Variants in DYNC2H1 observed in about 807,000 individuals in gnomAD.
The protein encoded by DYNC2H1 is cytoplasmic dynein 2 heavy chain 1.
In DYNC2H1, 410 loss-of-function variants were observed where a neutral mutation model predicts 570.0. The ratio of observed to expected loss-of-function variants is 0.72; its 90% CI spans 0.66 to 0.78. The LOEUF (loss-of-function observed/expected upper bound fraction) is 0.78, where lower values mean the gene tolerates loss of function less well. Ranked by LOEUF, DYNC2H1 falls within the 30% of genes least tolerant of loss-of-function variation. The pLI is 0.00. For missense variants in DYNC2H1, 4,865 were observed against 5,046.4 expected (o/e 0.96, Z 1.09); for synonymous variants, 1,688 against 1,677.6 (o/e 1.01, Z -0.15).
Position 103,257,603 on chromosome 11 carries a change from C to T in DYNC2H1, c.10462-5C>T. On this transcript the variant is annotated splice_region_variant and splice_polypyrimidine_tract_variant and intron_variant, in intron 68 of 88. Transcript: ENST00000375735. ...CCTATCCCCTACTGATCTCTTGATC[C>T]ATAGGAACGGGATGCCTATCTCCCC... 1 of 1,606,950 alleles carries T rather than the reference C, an allele frequency of 6.2e-7. No individual in the cohort carries two copies. Among genetic ancestry groups the T allele is most frequent in the Non-Finnish European group, 8.5e-7 (1 of 1,175,872 alleles).
chr11:103,337,403 G>A (rs1192960609), intron 82 of DYNC2H1, among the ~76,000 whole-genome samples: 1 of 152,142 alleles, frequency 6.6e-6, no homozygotes, highest in Non-Finnish European at 1.5e-5. Flanking sequence ...CTATGACCAA[G>A]CTGGTCTTGG....
intron 84 of DYNC2H1, among the ~76,000 whole-genome samples, chr11:103,434,365 C>T (rs761167448): frequency 5.3e-5 from 8 of 151,892 alleles, no homozygotes; most frequent in Non-Finnish European, 1.2e-4. Context: ...TGGGACAACA[C>T]CCTTAAGATT....
chr11:103,146,437 T>C (rs1437176184), intron 18 of DYNC2H1, among the ~76,000 whole-genome samples: 1 of 152,234 alleles, frequency 6.6e-6, no homozygotes, highest in African/African-American at 2.4e-5. Context: ...TAATTACTCA[T>C]TTAAAAACTT....
rs1862860934 is a variant in DYNC2H1, at chr11:103,204,798, T to C, written c.8312-24T>C. ...ACCACGTATAGATTGCCTGATTGTATTATTATTCTTATATATTTCTTAGGA... is the reference window on the plus strand; with the variant it reads ...ACCACGTATAGATTGCCTGATTGTACTATTATTCTTATATATTTCTTAGGA... On this transcript the variant is annotated intron_variant, in intron 51 of 88. Coordinates refer to ENST00000375735, the MANE Select transcript of DYNC2H1 (RefSeq NM_001377.3). This position sits in a 1 kb window ranked among gnomAD's most constrained non-coding sequence, Gnocchi z 4.1. 4 of 1,556,472 alleles carry C rather than the reference T, an allele frequency of 2.6e-6. No individual in the cohort carries two copies. The African/African-American group carries it at 5.5e-5, about 21-fold the overall frequency.
intron 65 of DYNC2H1, 21 bp from the exon 66 acceptor site, chr11:103,253,264 T>C (rs1864908978): frequency 1.3e-6 from 2 of 1,594,608 alleles, no homozygotes; most frequent in African/African-American, 1.3e-5. Flanking sequence ...GACCAACCAA[T>C]TGTGTGTTTT....
At position 103,372,032 on chromosome 11, in the gene DYNC2H1, C is replaced by CTTT. The variant is rs1156605664; in HGVS notation, c.12156+13697_12156+13699dup. Among the ~76,000 whole-genome samples, 12 of 38,054 alleles carry CTTT rather than the reference C, an allele frequency of 3.2e-4. 1 individual carries two copies. The highest frequency in any genetic ancestry group is 4.9e-4 in the Non-Finnish European group (11 of 22,544). The allele number at this position is 38,054 out of a possible 152,430, so 25.0% of individuals were successfully genotyped here. A position where few individuals can be genotyped will look rare whatever the true frequency, so the allele number is the denominator to read the frequency against. ...TGAAAGTGGGCAACTTTGTCTTGTTCTTTTTTTTTTTTTTTTTTTTTTTTT... is the reference window on the plus strand; with the variant it reads ...TGAAAGTGGGCAACTTTGTCTTGTTCTTTTTTTTTTTTTTTTTTTTTTTTTTTT... On this transcript the variant is annotated intron_variant, in intron 83 of 88. Transcript: ENST00000375735.
chr11:103,371,927 G>GTTTTTTTTTTTTTTTTTTTTTTT (rs60335910), intron 83 of DYNC2H1, among the ~76,000 whole-genome samples: 5 of 67,892 alleles, frequency 7.4e-5, no homozygotes, highest in Admixed American at 2.3e-4. Flanking sequence ...TCCCATTTGG[G>GTTTTTTTTTTTTTTTTTTTTTTT]TTTTTTTTTT....
At chr11:103,194,494 G>A (rs772132083) in intron 47 of DYNC2H1, among the ~76,000 whole-genome samples, 1 of 152,018 alleles carries the variant, frequency 6.6e-6, no homozygotes, top group Non-Finnish European at 1.5e-5. Flanking sequence ...CAACTAACAG[G>A]CTTTTTTTTA....
intron 40 of DYNC2H1, among the ~76,000 whole-genome samples, chr11:103,183,359 T>C (rs1861932558): frequency 6.6e-6 from 1 of 151,984 alleles, no homozygotes; most frequent in Non-Finnish European, 1.5e-5. Flanking sequence ...AATATATTTA[T>C]GTATATATAG....
At chr11:103,276,740 A>G (rs148593434) in intron 70 of DYNC2H1, among the ~76,000 whole-genome samples, 1 of 152,172 alleles carries the variant, frequency 6.6e-6, no homozygotes, top group African/African-American at 2.4e-5. Flanking sequence ...TTTGATTATT[A>G]TTTATGATAG....
intron 84 of DYNC2H1, among the ~76,000 whole-genome samples, chr11:103,419,991 C>A (rs1249731269): frequency 6.6e-6 from 1 of 151,978 alleles, no homozygotes; most frequent in Non-Finnish European, 1.5e-5. Context: ...ACAATGCAAT[C>A]AGAAGTATCA....
chr11:103,304,462 ATTC>A, intron 76 of DYNC2H1, 130 bp from the exon 77 acceptor site: 2 of 1,009,066 alleles, frequency 2.0e-6, no homozygotes. Context: ...TATTAGTTTG[ATTC>A]TTCTTCCAAA....
chr11:103,402,733 G>A (rs1008586383), intron 84 of DYNC2H1: 3 of 152,150 alleles, frequency 2.0e-5, no homozygotes, highest in African/African-American at 7.2e-5. Context: ...TAGTACTAGT[G>A]TGGCTCCTCT....
At chr11:103,162,996 T>A (rs1407658652) in intron 29 of DYNC2H1, 32 bp from the exon 30 acceptor site, 1 of 1,577,182 alleles carries the variant, frequency 6.3e-7, no homozygotes, top group African/African-American at 1.4e-5. Flanking sequence ...ATTTTATGTC[T>A]TGTTTATATT....
At chr11:103,179,806 ATG>A (rs1310459822) in intron 39 of DYNC2H1, among the ~76,000 whole-genome samples, 2 of 151,704 alleles carry the variant, frequency 1.3e-5, no homozygotes, top group Admixed American at 1.3e-4. Context: ...TTTAGATATC[ATG>A]TAAAATAGTC....
At chr11:103,426,019 T>C (rs1002397570) in intron 84 of DYNC2H1, among the ~76,000 whole-genome samples, 2 of 152,156 alleles carry the variant, frequency 1.3e-5, no homozygotes, top group African/African-American at 4.8e-5. Context: ...GTTGTGGGTT[T>C]ACCAGAATGA....
At chr11:103,255,309 TATC>T in intron 66 of DYNC2H1, 103 bp from the exon 67 acceptor site, 2 of 1,210,082 alleles carry the variant, frequency 1.7e-6, no homozygotes, top group Non-Finnish European at 2.3e-6. Context: ...GATAACATAG[TATC>T]ATATTTGTAA....
chr11:103,281,146 G>T (rs1260327268), intron 71 of DYNC2H1, among the ~76,000 whole-genome samples: 2 of 151,870 alleles, frequency 1.3e-5, no homozygotes, highest in Non-Finnish European at 2.9e-5. Context: ...CTATTTTCTG[G>T]TTCCTTTCAT....
chr11:103,138,774 T>G (rs1027527146), intron 17 of DYNC2H1, among the ~76,000 whole-genome samples: 1 of 152,180 alleles, frequency 6.6e-6, no homozygotes, highest in Non-Finnish European at 1.5e-5. Flanking sequence ...ATTGGAATAG[T>G]TTCAGAAGGA....
Sources: gnomAD v4.1 joint callset for allele counts (sites outside exome capture counted in the v4.1 genomes callset) on GRCh38, gnomAD v4.1.1 for gene constraint, Gnocchi (gnomAD v3.1) non-coding constraint, MANE v1.5 for transcripts, NCBI Gene and HGNC (gene_info 2026-07-23, HGNC 2026-07-21) for gene names.